LPIN1: variants seen among roughly 807,000 people sequenced by gnomAD.
LPIN1 encodes the protein phosphatidate phosphatase LPIN1.
LPIN1 carries 71 observed loss-of-function variants against 107.5 expected under a neutral mutation model. The observed-to-expected ratio is 0.66, with a 90% confidence interval of 0.55 to 0.80. The LOEUF is 0.80. Among genes scored for constraint, LPIN1 ranks in the 30% least tolerant of loss-of-function variants. The pLI is 0.00. For missense variants in LPIN1, 1,043 were observed against 1,160.6 expected (o/e 0.90, Z 1.47); for synonymous variants, 445 against 452.6 (o/e 0.98, Z 0.21).
At chr2:11,743,616 C>T (rs756882479), upstream of LPIN1, among the ~76,000 whole-genome samples, 3 of 152,116 alleles carry the variant, frequency 2.0e-5, no homozygotes, top group African/African-American at 4.8e-5. The surrounding 1 kb of genome is among the most constrained non-coding windows in gnomAD (Gnocchi z 4.7). Flanking sequence ...GAGGAGATGC[C>T]CTCCCTTCCC....
At chr2:11,789,006 C>T (rs1334573007) in intron 12 of LPIN1, among the ~76,000 whole-genome samples, 1 of 152,202 alleles carries the variant, frequency 6.6e-6, no homozygotes, top group Non-Finnish European at 1.5e-5. Flanking sequence ...CGCCACCTGC[C>T]AGTCTGCAGT....
chr2:11,777,889 G>A (rs1290846448), intron 6 of LPIN1, among the ~76,000 whole-genome samples: 1 of 152,242 alleles, frequency 6.6e-6, no homozygotes, highest in Non-Finnish European at 1.5e-5. Context: ...CACCGTTGAG[G>A]GTGAGAAGTT....
At chr2:11,678,894 T>C (rs973868503) in intron 1 of LPIN1, among the ~76,000 whole-genome samples, 3 of 152,236 alleles carry the variant, frequency 2.0e-5, no homozygotes, top group African/African-American at 7.2e-5. Context: ...CAGGACCTTC[T>C]CTCGGGAGCC....
At position 11,779,881 on chromosome 2, in the gene LPIN1, CT is replaced by C. The variant is rs545546639; in HGVS notation, c.957+250del. Among the ~76,000 whole-genome samples, 3,146 of 145,560 alleles carry C rather than the reference CT, an allele frequency of 0.022. 122 individuals carry two copies. Among genetic ancestry groups the C allele is most frequent in the African/African-American group, 0.072 (2,889 of 40,068 alleles). ...CCTATGGGATTCCTCTTAGGATTTACTTTTTTTTTTTTTTCTTGAGACAGAG... is the reference window on the plus strand; with the variant it reads ...CCTATGGGATTCCTCTTAGGATTTACTTTTTTTTTTTTTCTTGAGACAGAG... On this transcript the variant is annotated intron_variant, in intron 7 of 20. Coordinates refer to ENST00000674199, the MANE Select transcript of LPIN1 (RefSeq NM_001349206.2).
chr2:11,718,546 A>G (rs1326909222), intron 2 of LPIN1, among the ~76,000 whole-genome samples: 2 of 152,150 alleles, frequency 1.3e-5, no homozygotes, highest in Non-Finnish European at 2.9e-5. Context: ...GCATGTCTTA[A>G]TCTCTAATTT....
intron 1 of LPIN1, among the ~76,000 whole-genome samples, chr2:11,734,596 G>GC (rs1665594747): frequency 6.6e-6 from 1 of 152,194 alleles, no homozygotes; most frequent in African/African-American, 2.4e-5. Flanking sequence ...GCATCTTGGA[G>GC]CAAGTCTCCT....
At chr2:11,701,077 A>G (rs533825625) in intron 1 of LPIN1, among the ~76,000 whole-genome samples, 1 of 152,196 alleles carries the variant, frequency 6.6e-6, no homozygotes, top group Admixed American at 6.5e-5. Context: ...GGCCAAGGTT[A>G]TTCTTGTCTC....
At position 11,791,910 on chromosome 2, in the gene LPIN1, A is replaced by G. The variant is rs748478406; in HGVS notation, c.1714-4A>G. 8.1e-6 allele frequency: 13 copies of G among 1,613,640 alleles called. No individual in the cohort carries two copies. The highest frequency in any genetic ancestry group is 1.1e-5 in the Non-Finnish European group (13 of 1,179,736). ...TTATTTATGTTACCATCCATTTAAAACAGGCCACTGTGGAATCTATCATGA... is the reference window on the plus strand; with the variant it reads ...TTATTTATGTTACCATCCATTTAAAGCAGGCCACTGTGGAATCTATCATGA... On this transcript the variant is annotated splice_region_variant and splice_polypyrimidine_tract_variant and intron_variant, in intron 12 of 20. Coordinates refer to ENST00000674199, the MANE Select transcript of LPIN1 (RefSeq NM_001349206.2).
At chr2:11,722,063 T>C (rs1482998394), upstream of LPIN1, 1 of 152,216 alleles carries the variant, frequency 6.6e-6, no homozygotes, top group African/African-American at 2.4e-5. Flanking sequence ...AGGGAGCTAT[T>C]TCATTGATTT....
intron 17 of LPIN1, among the ~76,000 whole-genome samples, chr2:11,810,170 G>C (rs1387900194): frequency 1.3e-5 from 2 of 152,158 alleles, no homozygotes; most frequent in Non-Finnish European, 2.9e-5. Flanking sequence ...GTGGTCTTGT[G>C]GGAGGAGACA....
At position 11,803,502 on chromosome 2, in the gene LPIN1, G is replaced by A. The variant is rs1678138987; in HGVS notation, c.2013+469G>A. Among the ~76,000 whole-genome samples, 1 of 152,174 alleles carries A rather than the reference G, an allele frequency of 6.6e-6. No individual in the cohort carries two copies. The highest frequency in any genetic ancestry group is 6.5e-5 in the Admixed American group (1 of 15,286). The stretch of plus-strand genomic sequence containing the variant: ...TCATGGTGTCCTTTTATTTTTCTGT[G>A]TGTGAGACCAGTTTTAATTAAAAGC... On this transcript the variant is annotated intron_variant, in intron 15 of 20. Coordinates refer to ENST00000674199, the MANE Select transcript of LPIN1 (RefSeq NM_001349206.2). The surrounding 1 kb of genome is among the most constrained non-coding windows in gnomAD (Gnocchi z 4.2).
intron 1 of LPIN1, among the ~76,000 whole-genome samples, chr2:11,679,663 G>GGGT (rs1661605335): frequency 6.6e-6 from 1 of 152,214 alleles, no homozygotes; most frequent in Admixed American, 6.5e-5. Context: ...TAAGCCCCAG[G>GGGT]CTAAAACCCT....
chr2:11,761,544 G>A lies in LPIN1; in HGVS notation c.-9-3989G>A, dbSNP rs371882955. On this transcript the variant is annotated intron_variant, in intron 1 of 20. Coordinates refer to ENST00000674199, the MANE Select transcript of LPIN1 (RefSeq NM_001349206.2). ...AGTACAGAGAGCTTCATTTAAAATT[G>A]TAAAATGAACCTGGGAGGGCTTCTT... 4.8e-4 allele frequency among the ~76,000 whole-genome samples: 73 copies of A among 152,196 alleles called. No homozygotes were observed. In the East Asian group the frequency reaches 9.1e-3, roughly 19 times the overall value.
At chr2:11,741,012 G>A (rs551485176) in intron 1 of LPIN1, 1 of 184,862 alleles carries the variant, frequency 5.4e-6, no homozygotes, top group African/African-American at 2.3e-5. Flanking sequence ...AATCAGAGAT[G>A]CTGCATCCAG....
Position 11,701,455 on chromosome 2 carries a change from G to A in LPIN1, c.82-12301G>A, listed in dbSNP as rs547009919. On this transcript the variant is annotated intron_variant, in intron 1 of 21. Coordinates refer to the LPIN1 transcript ENST00000449576. The stretch of plus-strand genomic sequence containing the variant: ...CCTGCTGGTCTCTCTGCTCTGAACC[G>A]TGACAAACACTCATGCTTGTCACAG... Among the ~76,000 whole-genome samples, 4 of 152,102 alleles carry A rather than the reference G, an allele frequency of 2.6e-5. No individual in the cohort carries two copies. In the East Asian group the frequency reaches 5.8e-4, roughly 22 times the overall value.
chr2:11,819,047 C>G (rs1256798371), intron 18 of LPIN1: 1 of 147,220 alleles, frequency 6.8e-6, no homozygotes, highest in Non-Finnish European at 1.4e-5. Flanking sequence ...CACACATACA[C>G]ACACACACAC....
At chr2:11,770,071 A>G (rs1165770133) in intron 3 of LPIN1, among the ~76,000 whole-genome samples, 1 of 152,192 alleles carries the variant, frequency 6.6e-6, no homozygotes, top group Non-Finnish European at 1.5e-5. Flanking sequence ...GACTCCAAAA[A>G]TACTAATTGG....
chr2:11,805,656 C>T (rs1435027140), intron 17 of LPIN1: 4 of 218,970 alleles, frequency 1.8e-5, no homozygotes, highest in East Asian at 1.1e-4. Flanking sequence ...CAGTGCCCAC[C>T]GTGGGACCCT....
At chr2:11,783,757 T>C (rs564365023) in intron 8 of LPIN1, 72 bp from the exon 9 acceptor site, 1 of 1,267,154 alleles carries the variant, frequency 7.9e-7, no homozygotes, top group East Asian at 2.3e-5. Context: ...TAAATGCTGT[T>C]TCTATAGATA....
Sources: gnomAD v4.1 joint callset for allele counts (sites outside exome capture counted in the v4.1 genomes callset) on GRCh38, gnomAD v4.1.1 for gene constraint, Gnocchi (gnomAD v3.1) non-coding constraint, MANE v1.5 for transcripts, NCBI Gene and HGNC (gene_info 2026-07-23, HGNC 2026-07-21) for gene names.